DOP1B: variants seen among roughly 807,000 people sequenced by gnomAD.
DOP1B encodes the protein protein DOP1B.
A neutral mutation model predicts 233.5 loss-of-function variants in DOP1B; 174 were observed. The ratio of observed to expected loss-of-function variants is 0.75; its 90% CI spans 0.66 to 0.85. The LOEUF (loss-of-function observed/expected upper bound fraction) is 0.85. DOP1B is among the 40% of genes least tolerant of loss of function. The pLI is 0.00. For missense variants in DOP1B, 2,652 were observed against 2,846.6 expected (o/e 0.93, Z 1.56); for synonymous variants, 1,190 against 1,185.6 (o/e 1.00, Z -0.08).
chr21:36,219,174 A>G (rs1319221833), intron 9 of DOP1B, among the ~76,000 whole-genome samples, 198 bp from the exon 10 acceptor site: 5 of 152,168 alleles, frequency 3.3e-5, no homozygotes, highest in Admixed American at 3.3e-4. Flanking sequence ...TTCTACAAAA[A>G]TGTTGGCTAT....
At chr21:36,269,600 A>G (rs2067264123) in intron 26 of DOP1B, among the ~76,000 whole-genome samples, 1 of 152,128 alleles carries the variant, frequency 6.6e-6, no homozygotes, top group Non-Finnish European at 1.5e-5. Flanking sequence ...AGCTCACTGC[A>G]GCTTCCACTT....
At chr21:36,176,361 C>T (rs995850115) in intron 2 of DOP1B, among the ~76,000 whole-genome samples, 9 of 152,016 alleles carry the variant, frequency 5.9e-5, no homozygotes, top group African/African-American at 7.2e-5. Context: ...CCTGCATGCT[C>T]AGTGCCTAGA....
chr21:36,238,448 G>C (rs1300046949), intron 16 of DOP1B, among the ~76,000 whole-genome samples, 153 bp from the exon 17 acceptor site: 1 of 152,306 alleles, frequency 6.6e-6, no homozygotes, highest in South Asian at 2.1e-4. Context: ...CCTTCTGGCC[G>C]AATCAGTCAA....
rs748340455 is a variant in DOP1B at position 36,230,739 on chromosome 21, A to G, written c.1955A>G (p.Glu652Gly). Residue 652 changes from glutamate to glycine, a missense_variant, in exon 14 of 37, where the codon GAA (glutamate) becomes GGA (glycine). By Grantham distance (98) the Glu-to-Gly change is moderately conservative. This residue lies in a region of DOP1B where 2,617 missense variants were observed against 2,794.3 expected (regional missense o/e 0.94). Coordinates refer to ENST00000691173, the MANE Select transcript of DOP1B (RefSeq NM_001320714.2). Reference sequence around the variant, plus strand: ...GGAGTACAGCTGACAGCGTCAGGAGAAGAAAGCAAGTCCGAGGAGCCTGCA... The same window carrying G: ...GGAGTACAGCTGACAGCGTCAGGAGGAGAAAGCAAGTCCGAGGAGCCTGCA... ...IFGVQLTASGEESKSEEPAGK... is the reference protein window; with the variant it reads ...IFGVQLTASGGESKSEEPAGK... The G allele has an allele frequency of 5.6e-6, 9 of 1,614,138 alleles. No individual in the cohort carries two copies. Among genetic ancestry groups the G allele is most frequent in the Non-Finnish European group, 7.6e-6 (9 of 1,180,024 alleles).
At chr21:36,250,025 TC>T (rs1392969015) in intron 21 of DOP1B, among the ~76,000 whole-genome samples, 1 of 152,164 alleles carries the variant, frequency 6.6e-6, no homozygotes, top group African/African-American at 2.4e-5. Flanking sequence ...CTCCATTTCC[TC>T]GTCTGTTAAA....
chr21:36,231,844 ATTTTTTTT>A (rs35336231), intron 14 of DOP1B, among the ~76,000 whole-genome samples: 1 of 119,934 alleles, frequency 8.3e-6, no homozygotes, highest in Non-Finnish European at 1.7e-5. Flanking sequence ...CGCCCAGCTA[ATTTTTTTT>A]TTTTTTTTTT....
chr21:36,251,987 G>A (rs908127851), intron 22 of DOP1B, among the ~76,000 whole-genome samples: 3 of 152,108 alleles, frequency 2.0e-5, no homozygotes, highest in African/African-American at 7.2e-5. Context: ...GATCGCTTGA[G>A]TCTAGGAGTT....
At chr21:36,264,099 C>T (rs2067206490) in intron 26 of DOP1B, among the ~76,000 whole-genome samples, 1 of 152,218 alleles carries the variant, frequency 6.6e-6, no homozygotes, top group Admixed American at 6.5e-5. Flanking sequence ...GTATGTGGAT[C>T]TCACTGTAAA....
At chr21:36,159,278 C>T (rs1276458711) in intron 1 of DOP1B, among the ~76,000 whole-genome samples, 1 of 151,820 alleles carries the variant, frequency 6.6e-6, no homozygotes, top group Non-Finnish European at 1.5e-5. Flanking sequence ...ATGGAGAAAC[C>T]CCATCTCTAC....
intron 32 of DOP1B, among the ~76,000 whole-genome samples, chr21:36,283,875 T>C (rs1010229213): frequency 2.0e-5 from 3 of 151,840 alleles, no homozygotes; most frequent in Non-Finnish European, 2.9e-5. Context: ...GGAGAGCATA[T>C]TGGGCAATGT....
intron 26 of DOP1B, among the ~76,000 whole-genome samples, chr21:36,265,265 G>A (rs546587849): frequency 2.0e-5 from 3 of 152,220 alleles, no homozygotes; most frequent in Non-Finnish European, 2.9e-5. Context: ...GCCTGGTGGC[G>A]GATGCCTATA....
At position 36,208,700 on chromosome 21, in the gene DOP1B, C is replaced by G; in HGVS notation, c.492-15C>G. The G allele has an allele frequency of 1.2e-6, 2 of 1,610,418 alleles. No homozygotes were observed. The highest frequency in any genetic ancestry group is 1.7e-6 in the Non-Finnish European group (2 of 1,178,292). On this transcript the variant is annotated splice_polypyrimidine_tract_variant and intron_variant, in intron 4 of 36. Coordinates refer to ENST00000691173, the MANE Select transcript of DOP1B (RefSeq NM_001320714.2). Reference sequence around the variant, plus strand: ...ATGGGGCGAGCCCTTGAACCCTATCCTCTCTCATCAACAGAACGGATGCTC... The same window carrying G: ...ATGGGGCGAGCCCTTGAACCCTATCGTCTCTCATCAACAGAACGGATGCTC...
intron 1 of DOP1B, among the ~76,000 whole-genome samples, chr21:36,160,242 T>A (rs563727811): frequency 1.3e-5 from 2 of 152,240 alleles, no homozygotes; most frequent in East Asian, 3.9e-4. Context: ...TCCTTAATAT[T>A]TTCAAAATGT....
Position 36,288,813 on chromosome 21 carries a change from TA to T in DOP1B, c.6353+4del. The T allele has an allele frequency of 6.2e-7, 1 of 1,611,460 alleles. No individual in the cohort carries two copies. The highest frequency in any genetic ancestry group is 8.5e-7 in the Non-Finnish European group (1 of 1,177,806). ...AAAAGATGAAGATGAGTCATTGAGGTAAGCAGTACAAGATCTGTACACAAGA... is the reference window on the plus strand; with the variant it reads ...AAAAGATGAAGATGAGTCATTGAGGTAGCAGTACAAGATCTGTACACAAGA... On this transcript the variant is annotated splice_donor_region_variant and intron_variant, in intron 34 of 36. Transcript: ENST00000691173.
At chr21:36,175,645 G>A (rs372490666) in intron 2 of DOP1B, 4 of 151,868 alleles carry the variant, frequency 2.6e-5, no homozygotes, top group African/African-American at 4.8e-5. Flanking sequence ...ATATAAAAAC[G>A]AGCTGGGTAT....
chr21:36,289,826 G>A (rs981519118), intron 35 of DOP1B, among the ~76,000 whole-genome samples: 2 of 152,184 alleles, frequency 1.3e-5, no homozygotes, highest in Non-Finnish European at 2.9e-5. Context: ...CCAACCATGT[G>A]ACATTCTGGA....
intron 2 of DOP1B, among the ~76,000 whole-genome samples, chr21:36,187,732 C>T (rs1408887304): frequency 1.3e-5 from 2 of 152,160 alleles, no homozygotes; most frequent in Admixed American, 6.5e-5. Flanking sequence ...CTCAGCCTCC[C>T]AAGTAGCTGG....
intron 26 of DOP1B, among the ~76,000 whole-genome samples, chr21:36,266,164 A>G (rs1481242376): frequency 6.6e-6 from 1 of 151,906 alleles, no homozygotes; most frequent in Non-Finnish European, 1.5e-5. Flanking sequence ...CACATTGAAC[A>G]GTTTATTTTA....
intron 1 of DOP1B, among the ~76,000 whole-genome samples, chr21:36,160,226 A>C (rs1374959964): frequency 6.6e-6 from 1 of 152,158 alleles, no homozygotes; most frequent in East Asian, 1.9e-4. Flanking sequence ...TCTCATTACC[A>C]TCTTTTCCTT....
Sources: allele counts gnomAD v4.1 joint callset (sites outside exome capture counted in the v4.1 genomes callset), GRCh38; gene constraint gnomAD v4.1.1; regional missense constraint gnomAD v4.1.1; transcripts MANE v1.5; gene names NCBI Gene and HGNC (gene_info 2026-07-23, HGNC 2026-07-21).